Variants in SLC36A1 observed in about 807,000 individuals in gnomAD.
The protein encoded by SLC36A1 is solute carrier family 36 member 1.
A neutral mutation model predicts 47.5 loss-of-function variants in SLC36A1; 30 were observed. The observed-to-expected ratio is 0.63, with a 90% confidence interval of 0.47 to 0.86. The LOEUF (loss-of-function observed/expected upper bound fraction) is 0.86, where lower values mean the gene tolerates loss of function less well. Ranked by LOEUF, SLC36A1 falls within the 40% of genes least tolerant of loss-of-function variation. SLC36A1 has a pLI of 0.00. For synonymous variants in SLC36A1, 255 were observed against 249.7 expected (o/e 1.02, Z -0.20); for missense variants, 517 against 606.0 (o/e 0.85, Z 1.54).
At chr5:151,449,091 C>T (rs994465667) in intron 1 of SLC36A1, among the ~76,000 whole-genome samples, 2 of 152,100 alleles carry the variant, frequency 1.3e-5, no homozygotes, top group African/African-American at 2.4e-5. Context: ...AGATTTTACC[C>T]GCTGTGTACA....
At chr5:151,531,988 G>A in the SLC36A1 span, 18 of 1,612,930 alleles carry the variant, frequency 1.1e-5, no homozygotes, top group Non-Finnish European at 1.5e-5. This position sits in a 1 kb window ranked among gnomAD's most constrained non-coding sequence, Gnocchi z 5.7. Flanking sequence ...GGAGACCAAG[G>A]GTGTGATCCA....
the SLC36A1 span, chr5:151,543,079 G>T: frequency 6.2e-7 from 1 of 1,614,142 alleles, no homozygotes; most frequent in South Asian, 1.1e-5. Context: ...TACTTTTTTA[G>T]GAACCACCTG....
chr5:151,436,797 G>T (rs541703188), upstream of SLC36A1, among the ~76,000 whole-genome samples: 1 of 152,260 alleles, frequency 6.6e-6, no homozygotes, highest in South Asian at 2.1e-4. Context: ...GACTCTCAGA[G>T]TTGCAAGATC....
At chr5:151,543,962 T>C in the SLC36A1 span, 1 of 1,614,162 alleles carries the variant, frequency 6.2e-7, no homozygotes, top group Non-Finnish European at 8.5e-7. Context: ...GCCAGTTCAC[T>C]GACATTGGCT....
chr5:151,378,213 A>G, the SLC36A1 span: 1 of 239,376 alleles, frequency 4.2e-6, no homozygotes, highest in Non-Finnish European at 8.7e-6. Flanking sequence ...AGACTGTACA[A>G]ACCACTTGCC....
the SLC36A1 span, among the ~76,000 whole-genome samples, chr5:151,416,282 G>T: frequency 6.6e-6 from 1 of 152,106 alleles, no homozygotes; most frequent in Admixed American, 6.5e-5. Context: ...TCTCTGCCCT[G>T]CTTACTGCAG....
chr5:151,373,593 T>A, the SLC36A1 span, among the ~76,000 whole-genome samples: 1 of 152,126 alleles, frequency 6.6e-6, no homozygotes, highest in South Asian at 2.1e-4. Context: ...AAAACTAAGA[T>A]AATTACTGGC....
At chr5:151,440,098 G>A (rs921961328) in intron 1 of SLC36A1, among the ~76,000 whole-genome samples, 3 of 152,142 alleles carry the variant, frequency 2.0e-5, no homozygotes, top group Non-Finnish European at 4.4e-5. Flanking sequence ...TAACGGCATT[G>A]CTCTCTGTAT....
In SLC36A1 at chr5:151,488,476, G is replaced by C. The variant is rs546877271; in HGVS notation, c.*222G>C. 8.4e-6 allele frequency: 5 copies of C among 594,454 alleles called. No individual in the cohort carries two copies. The highest frequency in any genetic ancestry group is 9.0e-4 in the Middle Eastern group (2 of 2,234). The allele number at this position is 594,454 out of a possible 1,614,324, so 36.8% of individuals were successfully genotyped here. Reference sequence around the variant, plus strand: ...TGCTACTAGTGACAGGGCTGCCATCGCTCACCTGTACCTATTTACACCCAG... The same window carrying C: ...TGCTACTAGTGACAGGGCTGCCATCCCTCACCTGTACCTATTTACACCCAG... On this transcript the variant is annotated 3_prime_UTR_variant, in exon 11 of 11. Transcript: ENST00000243389.
At chr5:151,549,255 A>G in the SLC36A1 span, 3 of 1,589,636 alleles carry the variant, frequency 1.9e-6, no homozygotes, top group East Asian at 4.5e-5. Flanking sequence ...TTTCTAAAGC[A>G]TCTTGACCCA....
chr5:151,374,957 C>T, the SLC36A1 span, among the ~76,000 whole-genome samples: 1 of 147,120 alleles, frequency 6.8e-6, no homozygotes, highest in Non-Finnish European at 1.5e-5. Flanking sequence ...TTCTGGATAT[C>T]AGTCCCCTGT....
chr5:151,396,098 C>CCGTAA, the SLC36A1 span, among the ~76,000 whole-genome samples: 1 of 151,740 alleles, frequency 6.6e-6, no homozygotes, highest in Non-Finnish European at 1.5e-5. Context: ...GCGTGAGCCA[C>CCGTAA]TGTACCTGGA....
the SLC36A1 span, among the ~76,000 whole-genome samples, chr5:151,387,720 G>A: frequency 0.5 from 75,354 of 152,032 alleles, 20,699 homozygotes; most frequent in African/African-American, 0.75. Flanking sequence ...TCCCACCTCA[G>A]CCTCCCAAGT....
chr5:151,554,476 G>C, the SLC36A1 span: 3 of 1,614,196 alleles, frequency 1.9e-6, no homozygotes, highest in Non-Finnish European at 2.5e-6. Flanking sequence ...AGGTGACTCT[G>C]CCATTAAGAC....
At chr5:151,464,330 A>C (rs1348680877) in intron 3 of SLC36A1, among the ~76,000 whole-genome samples, 184 bp from the exon 4 acceptor site, 1 of 152,226 alleles carries the variant, frequency 6.6e-6, no homozygotes, top group African/African-American at 2.4e-5. Context: ...AAGTTCAGAT[A>C]ACACCCATCT....
At position 151,453,771 on chromosome 5, in the gene SLC36A1, C is replaced by T. The variant is rs181118531; in HGVS notation, c.-5-5017C>T. Among the ~76,000 whole-genome samples the T allele has an allele frequency of 3.1e-3, 471 of 151,194 alleles. 6 individuals carry two copies. Among genetic ancestry groups the T allele is most frequent in the African/African-American group, 0.011 (457 of 41,258 alleles). On this transcript the variant is annotated intron_variant, in intron 1 of 10. Transcript: ENST00000243389. ...TGAATTTATTAGAAAAATTTCTGGC[C>T]TTGCCTTAAAAAAAAAAAATCACTG... is the stretch of plus-strand genomic sequence containing the variant.
upstream of SLC36A1, among the ~76,000 whole-genome samples, chr5:151,445,175 G>T (rs924886399): frequency 6.6e-6 from 1 of 152,080 alleles, no homozygotes; most frequent in East Asian, 1.9e-4. Context: ...TGTTGGGGTG[G>T]GGGTTAGGGA....
chr5:151,455,414 C>G (rs575422346), intron 1 of SLC36A1, among the ~76,000 whole-genome samples: 1 of 152,236 alleles, frequency 6.6e-6, no homozygotes, highest in South Asian at 2.1e-4. Flanking sequence ...CTTATTGGAC[C>G]TTAAATCTAT....
chr5:151,398,557 G>C, the SLC36A1 span, among the ~76,000 whole-genome samples: 41 of 152,308 alleles, frequency 2.7e-4, no homozygotes, highest in African/African-American at 9.6e-4. Context: ...GTTTGAGATG[G>C]TTGTCTAGAA....
Sources: allele counts gnomAD v4.1 joint callset (sites outside exome capture counted in the v4.1 genomes callset), GRCh38; gene constraint gnomAD v4.1.1; non-coding constraint Gnocchi (gnomAD v3.1); transcripts MANE v1.5; gene names NCBI Gene and HGNC (gene_info 2026-07-23, HGNC 2026-07-21).